The following LARP1B variants were observed in gnomAD, a reference collection of about 807,000 sequenced individuals.
LARP1B encodes La ribonucleoprotein 1B.
In LARP1B, 76 loss-of-function variants were observed where a neutral mutation model predicts 114.2. That is an observed-to-expected ratio of 0.67 (90% CI 0.55 to 0.81). The LOEUF (loss-of-function observed/expected upper bound fraction) is 0.81. Among genes scored for constraint, LARP1B ranks in the 30% least tolerant of loss-of-function variants. The pLI is 0.00. For missense variants in LARP1B, 1,014 were observed against 1,075.8 expected, an observed-to-expected ratio of 0.94 and a Z score of 0.80; for synonymous variants, 345 against 348.0, an observed-to-expected ratio of 0.99 and a Z score of 0.10.
chr4:128,075,083 A>G, intron 3 of LARP1B, 90 bp downstream of exon 3: 1 of 901,470 alleles, frequency 1.1e-6, no homozygotes, highest in South Asian at 1.5e-5. Context: ...AAATGTAAAG[A>G]ATTGTCATAC....
At chr4:128,192,237 T>A (rs963706625) in intron 15 of LARP1B, among the ~76,000 whole-genome samples, 1 of 152,234 alleles carries the variant, frequency 6.6e-6, no homozygotes, top group African/African-American at 2.4e-5. Context: ...ATAACTTTTA[T>A]ATTTACTGGG....
intron 12 of LARP1B, among the ~76,000 whole-genome samples, chr4:128,163,497 A>T (rs1428846964): frequency 2.0e-5 from 3 of 152,126 alleles, no homozygotes; most frequent in Non-Finnish European, 4.4e-5. Context: ...CAAAATAGTG[A>T]TGATTCTATT....
chr4:128,114,081 C>A (rs1452872508), intron 9 of LARP1B, among the ~76,000 whole-genome samples: 2 of 152,144 alleles, frequency 1.3e-5, no homozygotes, highest in Admixed American at 1.3e-4. Context: ...AGTAGACAAA[C>A]CTTGCTGAGC....
At chr4:128,120,536 C>T (rs1456358347) in intron 10 of LARP1B, among the ~76,000 whole-genome samples, 3 of 150,702 alleles carry the variant, frequency 2.0e-5, no homozygotes, top group Non-Finnish European at 4.4e-5. Flanking sequence ...GCAGCCTCCG[C>T]CTCCAGGGTT....
At position 128,126,808 on chromosome 4, in the gene LARP1B, TTTTG is replaced by T. The variant is rs1259314966; in HGVS notation, c.1524+4624_1524+4627del. On this transcript the variant is annotated intron_variant, in intron 11 of 19. Coordinates refer to ENST00000326639, the MANE Select transcript of LARP1B (RefSeq NM_018078.4). ...TTTTATTATAAAGCTTTTTATTTGT[TTTTG>T]TTTTTTTTTTAAAAAAAGGTAAGCA... Among the ~76,000 whole-genome samples, 442 of 126,268 alleles carry T rather than the reference TTTTG, an allele frequency of 3.5e-3. 4 individuals carry two copies. Among genetic ancestry groups the T allele is most frequent in the African/African-American group, 1.0e-2 (380 of 38,184 alleles). The allele number at this position is 126,268 out of a possible 152,430, so 82.8% of individuals were successfully genotyped here.
At chr4:128,097,628 A>G (rs1424656343) in intron 7 of LARP1B, among the ~76,000 whole-genome samples, 2 of 152,180 alleles carry the variant, frequency 1.3e-5, no homozygotes, top group Non-Finnish European at 2.9e-5. Flanking sequence ...GTTTTTAACT[A>G]AGAATTGTGC....
chr4:128,195,027 G>A (rs1001357927), intron 15 of LARP1B, among the ~76,000 whole-genome samples: 1 of 151,940 alleles, frequency 6.6e-6, no homozygotes, highest in Non-Finnish European at 1.5e-5. Context: ...TCTATTCATT[G>A]TCTCCTGAAT....
chr4:128,116,879 C>T lies in LARP1B; in HGVS notation c.1161+2137C>T, dbSNP rs532152929. Among the ~76,000 whole-genome samples the T allele has an allele frequency of 3.1e-3, 464 of 149,964 alleles. 4 individuals are homozygous for T. Among genetic ancestry groups the T allele is most frequent in the African/African-American group, 0.011 (446 of 41,056 alleles). The stretch of plus-strand genomic sequence containing the variant: ...TTTTGTCATCTTATGAAAGTCAGTC[C>T]ATTCACATTCTTTTTATCAAGTGAT... On this transcript the variant is annotated intron_variant, in intron 10 of 19. Coordinates refer to ENST00000326639, the MANE Select transcript of LARP1B (RefSeq NM_018078.4).
intron 6 of LARP1B, among the ~76,000 whole-genome samples, chr4:128,217,888 GA>G (rs1284624903): frequency 6.8e-6 from 1 of 147,860 alleles, no homozygotes; most frequent in African/African-American, 2.5e-5. Context: ...TGTTTATCTA[GA>G]AAACCCCATC....
At chr4:128,219,215 A>G (rs1404238197) in intron 6 of LARP1B, among the ~76,000 whole-genome samples, 5 of 146,832 alleles carry the variant, frequency 3.4e-5, no homozygotes, top group African/African-American at 1.3e-4. Context: ...AACTAGTTCA[A>G]CCATTGTGGA....
At position 128,098,747 on chromosome 4, in the gene LARP1B, G is replaced by GTGTGTGTATATATATATA; in HGVS notation, c.813+418_813+419insGTGTGTATATATATATAT. On this transcript the variant is annotated intron_variant, in intron 8 of 19. Transcript: ENST00000326639. Reference sequence around the variant, plus strand: ...AGCATGTGTTCCTGTATATGTATGTGTATATATATATATATATATATTTTT... The same window carrying GTGTGTGTATATATATATA: ...AGCATGTGTTCCTGTATATGTATGTGTGTGTGTATATATATATATATATATATATATATATATATTTTT... Among the ~76,000 whole-genome samples the GTGTGTGTATATATATATA allele has an allele frequency of 3.6e-3, 56 of 15,578 alleles. 1 individual carries two copies. Among genetic ancestry groups the GTGTGTGTATATATATATA allele is most frequent in the Non-Finnish European group, 4.4e-3 (34 of 7,730 alleles). 10.2% of individuals were successfully genotyped at this position (15,578 alleles called of 152,430 possible). A position where few individuals can be genotyped will look rare whatever the true frequency, so the allele number is the denominator to read the frequency against.
At chr4:128,062,114 C>T (rs1212334753) in intron 1 of LARP1B, 8 of 985,302 alleles carry the variant, frequency 8.1e-6, no homozygotes, top group Non-Finnish European at 8.4e-6. Context: ...GCGGCAGCCG[C>T]CGCTGCTGCC....
chr4:128,196,917 A>C (rs1754352278), intron 15 of LARP1B, among the ~76,000 whole-genome samples: 1 of 152,218 alleles, frequency 6.6e-6, no homozygotes, highest in South Asian at 2.1e-4. Context: ...CTTTGAAAAC[A>C]TTATGCTTAA....
intron 8 of LARP1B, among the ~76,000 whole-genome samples, chr4:128,098,558 C>T (rs1778880790): frequency 6.6e-6 from 1 of 150,772 alleles, no homozygotes; most frequent in African/African-American, 2.4e-5. Flanking sequence ...CTTCCCCTCC[C>T]CCTCAATTAG....
Position 128,108,528 on chromosome 4 carries a change from C to G in LARP1B, c.988+1215C>G, listed in dbSNP as rs958399180. On this transcript the variant is annotated intron_variant, in intron 9 of 19. Coordinates refer to ENST00000326639, the MANE Select transcript of LARP1B (RefSeq NM_018078.4). ...AGAGGACGTCCCATCAACAAAGCATCGATGATGGACAGTCTCACACTATTT... is the reference window on the plus strand; with the variant it reads ...AGAGGACGTCCCATCAACAAAGCATGGATGATGGACAGTCTCACACTATTT... 3 of 985,376 alleles carry G rather than the reference C, an allele frequency of 3.0e-6. No individual in the cohort carries two copies. The African/African-American group carries it at 5.2e-5, about 17-fold the overall frequency. 61.0% of individuals were successfully genotyped at this position (985,376 alleles called of 1,614,324 possible). A position where few individuals can be genotyped will look rare whatever the true frequency, so the allele number is the denominator to read the frequency against.
intron 11 of LARP1B, among the ~76,000 whole-genome samples, chr4:128,158,028 C>CT (rs1289169738): frequency 6.6e-6 from 1 of 152,118 alleles, no homozygotes; most frequent in African/African-American, 2.4e-5. Flanking sequence ...TCTATTTACT[C>CT]TATCAGGCAA....
chr4:128,179,650 C>A, intron 15 of LARP1B, 138 bp downstream of exon 15: 1 of 495,364 alleles, frequency 2.0e-6, no homozygotes, highest in East Asian at 3.6e-5. Flanking sequence ...ACAAAGAAGC[C>A]AAAGAAGAGA....
At position 128,176,262 on chromosome 4, in the gene LARP1B, T is replaced by TAC. The variant is rs1746038552; in HGVS notation, c.1649-606_1649-605dup. On this transcript the variant is annotated intron_variant, in intron 12 of 19. Coordinates refer to ENST00000326639, the MANE Select transcript of LARP1B (RefSeq NM_018078.4). ...ATATAAATATATACATTTATATATA[T>TAC]ACACATATGTGTGTGTGTGTGTGTA... Among the ~76,000 whole-genome samples the TAC allele has an allele frequency of 5.3e-5, 7 of 132,162 alleles. No individual in the cohort carries two copies. In the South Asian group the frequency reaches 1.3e-3, roughly 25 times the overall value. 86.7% of individuals were successfully genotyped at this position (132,162 alleles called of 152,430 possible). A position where few individuals can be genotyped will look rare whatever the true frequency, so the allele number is the denominator to read the frequency against.
chr4:128,150,759 A>G (rs1313173187), intron 11 of LARP1B, among the ~76,000 whole-genome samples: 1 of 152,214 alleles, frequency 6.6e-6, no homozygotes, highest in Non-Finnish European at 1.5e-5. Flanking sequence ...GAAATGTAAA[A>G]TAAAAAAATA....
Sources: gnomAD v4.1 joint callset for allele counts (sites outside exome capture counted in the v4.1 genomes callset) on GRCh38, gnomAD v4.1.1 for gene constraint, MANE v1.5 for transcripts, NCBI Gene and HGNC (gene_info 2026-07-23, HGNC 2026-07-21) for gene names.